The following MEI1 variants were observed in gnomAD, a reference collection of about 807,000 sequenced individuals.
MEI1 encodes meiotic double-stranded break formation protein 1, also known as meiosis inhibitor protein 1.
MEI1 carries 103 observed loss-of-function variants against 146.2 expected under a neutral mutation model. The ratio of observed to expected loss-of-function variants is 0.70; its 90% confidence interval spans 0.60 to 0.83. The LOEUF (loss-of-function observed/expected upper bound fraction) is 0.83, where lower values mean the gene tolerates loss of function less well. Among genes scored for constraint, MEI1 ranks in the 40% least tolerant of loss-of-function variants. The pLI, the probability that MEI1 is intolerant of heterozygous loss-of-function variation, is 0.00. For synonymous variants in MEI1, 652 were observed against 628.2 expected, an observed-to-expected ratio of 1.04 and a Z score of -0.57; for missense variants, 1,529 against 1,533.0, an observed-to-expected ratio of 1.00 and a Z score of 0.04.
chr22:41,795,933 C>A lies in MEI1; in HGVS notation c.3779+86C>A. On this transcript the variant is annotated intron_variant, in intron 30 of 30. Transcript: ENST00000401548. This position sits in a 1 kb window ranked among gnomAD's most constrained non-coding sequence, Gnocchi z 4.2. ...CTTCCTGGGCCAGTTTATGCGGTAC[C>A]GGAGTAGCAGTGTCCTCTCTCATGA... 1 of 1,611,170 alleles carries A rather than the reference C, an allele frequency of 6.2e-7. No individual in the cohort carries two copies. The highest frequency in any genetic ancestry group is 1.1e-5 in the South Asian group (1 of 90,820).
intron 11 of MEI1, among the ~76,000 whole-genome samples, chr22:41,732,973 G>A (rs746065740): frequency 6.6e-6 from 1 of 151,850 alleles, no homozygotes; most frequent in East Asian, 2.0e-4. Context: ...TAGAGGCGAG[G>A]TTTCACCATG....
intron 6 of MEI1, among the ~76,000 whole-genome samples, chr22:41,720,626 G>A (rs1265906784): frequency 2.8e-5 from 4 of 140,816 alleles, no homozygotes; most frequent in Non-Finnish European, 6.1e-5. Context: ...GACGGAGTCT[G>A]GCACAGTTGC....
At chr22:41,796,415 C>G (rs1311481842) in intron 30 of MEI1, among the ~76,000 whole-genome samples, 5 of 150,456 alleles carry the variant, frequency 3.3e-5, no homozygotes, top group Non-Finnish European at 7.4e-5. Context: ...AGGCTGGTCT[C>G]GAACTCCTGA....
intron 6 of MEI1, chr22:41,721,946 C>T (rs1366508595): frequency 6.6e-6 from 1 of 151,204 alleles, no homozygotes. Context: ...GTGTCAATCT[C>T]TTGACCTCGT....
intron 14 of MEI1, among the ~76,000 whole-genome samples, chr22:41,747,049 T>TATAATAATAATA (rs3045435): frequency 2.7e-5 from 4 of 149,468 alleles, no homozygotes; most frequent in African/African-American, 7.3e-5. Context: ...ATATTACTTT[T>TATAATAATAATA]ATAATAATAA....
At chr22:41,756,683 A>T (rs1332641701) in intron 17 of MEI1, among the ~76,000 whole-genome samples, 1 of 152,246 alleles carries the variant, frequency 6.6e-6, no homozygotes, top group Non-Finnish European at 1.5e-5. Flanking sequence ...CATGTTGGCC[A>T]GGCTGGTCTC....
At position 41,707,977 on chromosome 22, in the gene MEI1, T is replaced by C. The variant is rs1236399770; in HGVS notation, c.349+2423T>C. On this transcript the variant is annotated intron_variant, in intron 3 of 30. Coordinates refer to ENST00000401548, the MANE Select transcript of MEI1 (RefSeq NM_152513.4). The stretch of plus-strand genomic sequence containing the variant: ...GTGTCCAAACACCCTTCTCCACATA[T>C]TTGAACTCCCATAGAACAAAAACAA... 2.0e-5 allele frequency among the ~76,000 whole-genome samples: 3 copies of C among 152,230 alleles called. No homozygotes were observed. In the East Asian group the frequency reaches 5.8e-4, roughly 29 times the overall value.
intron 12 of MEI1, 71 bp downstream of exon 12, chr22:41,743,265 T>C (rs550355248): frequency 2.8e-6 from 3 of 1,065,070 alleles, no homozygotes; most frequent in Middle Eastern, 2.7e-4. Flanking sequence ...AATTAGTATA[T>C]TCCCTTACTT....
chr22:41,719,275 C>G (rs1351329826), intron 6 of MEI1, among the ~76,000 whole-genome samples: 1 of 152,166 alleles, frequency 6.6e-6, no homozygotes, highest in African/African-American at 2.4e-5. Context: ...GCCACCGCGC[C>G]CGGCCGGTTC....
At chr22:41,711,539 A>G (rs951284663) in intron 3 of MEI1, among the ~76,000 whole-genome samples, 8 of 152,240 alleles carry the variant, frequency 5.3e-5, no homozygotes, top group African/African-American at 1.9e-4. Context: ...ATCAGACCTC[A>G]GGAACTTCAC....
At chr22:41,709,913 T>A (rs1319346076) in intron 3 of MEI1, among the ~76,000 whole-genome samples, 1 of 152,116 alleles carries the variant, frequency 6.6e-6, no homozygotes, top group African/African-American at 2.4e-5. Context: ...GGAACTAAGA[T>A]CTTTAGCAGA....
intron 1 of MEI1, among the ~76,000 whole-genome samples, chr22:41,699,956 C>T (rs1211631304): frequency 6.6e-6 from 1 of 152,228 alleles, no homozygotes; most frequent in Admixed American, 6.5e-5. Context: ...CCTGAAAGGA[C>T]GGAAATCCGG....
chr22:41,760,168 G>A (rs2074381733), intron 18 of MEI1, among the ~76,000 whole-genome samples: 1 of 151,926 alleles, frequency 6.6e-6, no homozygotes, highest in Admixed American at 6.6e-5. Context: ...AAATTAGCCG[G>A]GCGTGGTGGT....
At chr22:41,754,136 C>T (rs2073947538) in intron 17 of MEI1, 90 bp downstream of exon 17, 4 of 957,996 alleles carry the variant, frequency 4.2e-6, no homozygotes, top group African/African-American at 1.6e-5. Context: ...TGAGTTAGTA[C>T]AGCCACGAGA....
intron 17 of MEI1, among the ~76,000 whole-genome samples, chr22:41,755,776 A>G (rs1180841194): frequency 6.6e-6 from 1 of 152,152 alleles, no homozygotes; most frequent in African/African-American, 2.4e-5. Flanking sequence ...CATTATTATT[A>G]TATTGATGAG....
At position 41,784,865 on chromosome 22, in the gene MEI1, C is replaced by T. The variant is rs1198916629; in HGVS notation, c.3345+82C>T. The T allele has an allele frequency of 3.6e-6, 4 of 1,099,864 alleles. No homozygotes were observed. In the South Asian group the frequency reaches 7.2e-5, roughly 20 times the overall value. The allele number at this position is 1,099,864 out of a possible 1,614,324, so 68.1% of individuals were successfully genotyped here. A position where few individuals can be genotyped will look rare whatever the true frequency, so the allele number is the denominator to read the frequency against. The stretch of plus-strand genomic sequence containing the variant: ...GCTGCCTGTCGAGAGCCTGATACTC[C>T]TACCAGGGCTTGGAGGGTGGATTAA... On this transcript the variant is annotated intron_variant, in intron 26 of 30. Coordinates refer to ENST00000401548, the MANE Select transcript of MEI1 (RefSeq NM_152513.4).
Position 41,716,355 on chromosome 22 carries a change from C to CTTTTTTTTTTT in MEI1, c.529+237_529+247dup, listed in dbSNP as rs6147630. ...TATTCTTGGACTATTTCCATTCATT[C>CTTTTTTTTTTT]TTTTTTTTTTTTTTTTTTTTTTTTT... is the stretch of plus-strand genomic sequence containing the variant. On this transcript the variant is annotated intron_variant, in intron 5 of 30. Transcript: ENST00000401548. 5.0e-4 allele frequency among the ~76,000 whole-genome samples: 59 copies of CTTTTTTTTTTT among 118,580 alleles called. 2 individuals carry two copies. The highest frequency in any genetic ancestry group is 8.2e-4 in the Non-Finnish European group (48 of 58,686). 77.8% of individuals were successfully genotyped at this position (118,580 alleles called of 152,430 possible). A position where few individuals can be genotyped will look rare whatever the true frequency, so the allele number is the denominator to read the frequency against.
At chr22:41,726,807 T>C (rs1327596497) in intron 7 of MEI1, among the ~76,000 whole-genome samples, 1 of 151,694 alleles carries the variant, frequency 6.6e-6, no homozygotes, top group Non-Finnish European at 1.5e-5. Context: ...GGAGTCTCGC[T>C]CTGTCGCCCA....
chr22:41,743,045 T>C (rs778603061), intron 11 of MEI1, 35 bp from the exon 12 acceptor site: 6 of 1,526,200 alleles, frequency 3.9e-6, no homozygotes, highest in Non-Finnish European at 5.4e-6. Context: ...TACCGTTGCC[T>C]TACCGTGAAC....
Sources: allele counts gnomAD v4.1 joint callset (sites outside exome capture counted in the v4.1 genomes callset), GRCh38; gene constraint gnomAD v4.1.1; non-coding constraint Gnocchi (gnomAD v3.1); transcripts MANE v1.5; gene names NCBI Gene and HGNC (gene_info 2026-07-23, HGNC 2026-07-21).